Variants in HIPK3 observed in about 807,000 individuals in gnomAD.
The protein encoded by HIPK3 is homeodomain-interacting protein kinase 3.
HIPK3 carries 47 observed loss-of-function variants against 124.2 expected under a neutral mutation model. The observed-to-expected ratio is 0.38, with a 90% confidence interval of 0.30 to 0.48. The LOEUF (loss-of-function observed/expected upper bound fraction) is 0.48, where lower values mean the gene tolerates loss of function less well. HIPK3 is among the 20% of genes least tolerant of loss of function. HIPK3 has a pLI of 0.98. For missense variants in HIPK3, 1,286 were observed against 1,454.3 expected, an observed-to-expected ratio of 0.88 and a Z score of 1.88; for synonymous variants, 482 against 515.2, an observed-to-expected ratio of 0.94 and a Z score of 0.87.
At position 33,302,339 on chromosome 11, in the gene HIPK3, C is replaced by CTTT. The variant is rs374964013; in HGVS notation, c.1097+14830_1097+14831insTTT. Among the ~76,000 whole-genome samples, 25 of 121,176 alleles carry CTTT rather than the reference C, an allele frequency of 2.1e-4. 2 individuals are homozygous for CTTT. Among genetic ancestry groups the CTTT allele is most frequent in the Admixed American group, 6.6e-4 (7 of 10,680 alleles). The allele number at this position is 121,176 out of a possible 152,430, so 79.5% of individuals were successfully genotyped here. A position where few individuals can be genotyped will look rare whatever the true frequency, so the allele number is the denominator to read the frequency against. On this transcript the variant is annotated intron_variant, in intron 2 of 16. Coordinates refer to ENST00000303296, the MANE Select transcript of HIPK3 (RefSeq NM_005734.5). The stretch of plus-strand genomic sequence containing the variant: ...TGAACTTCTCTATGATAATTCCTTA[C>CTTT]TTCTTTTTTTTTTTTTTGAGAAGGA...
Position 33,353,336 on chromosome 11 carries a change from C to G in HIPK3, c.3416C>G (p.Ser1139Cys). Residue 1139 changes from serine to cysteine, a missense_variant, in exon 17 of 17, where the codon TCT becomes TGT. By Grantham distance (112) the Ser-to-Cys change is moderately radical. This residue lies in a region of HIPK3 where 810 missense variants were observed against 864.9 expected (regional missense o/e 0.94). Coordinates refer to ENST00000303296, the MANE Select transcript of HIPK3 (RefSeq NM_005734.5). ...SAAPVAHLLA[S>C]PCTSRPMLQH... ...GCACCAGTGGCCCACCTGTTAGCCT[C>G]TCCGTGTACCTCAAGACCTATGTTA... 1.2e-6 allele frequency: 2 copies of G among 1,614,138 alleles called. No individual in the cohort carries two copies. The highest frequency in any genetic ancestry group is 1.7e-6 in the Non-Finnish European group (2 of 1,179,996).
intron 4 of HIPK3, among the ~76,000 whole-genome samples, chr11:33,337,967 C>T (rs1853208036): frequency 6.6e-6 from 1 of 152,098 alleles, no homozygotes; most frequent in South Asian, 2.1e-4. Flanking sequence ...CCACTGTGCC[C>T]AGCCCCCTTC....
intron 2 of HIPK3, among the ~76,000 whole-genome samples, chr11:33,308,080 A>G (rs1279129702): frequency 6.6e-6 from 1 of 152,056 alleles, no homozygotes; most frequent in Non-Finnish European, 1.5e-5. Context: ...TTTGCCACCC[A>G]TCTGGAATTG....
intron 2 of HIPK3, among the ~76,000 whole-genome samples, chr11:33,327,926 G>T (rs1210255846): frequency 6.6e-6 from 1 of 152,140 alleles, no homozygotes; most frequent in African/African-American, 2.4e-5. Flanking sequence ...TTTAAGTGCT[G>T]AAATGCTTTT....
rs1279635165 is a variant in HIPK3, at chr11:33,353,162, T to C, written c.3242T>C (p.Ile1081Thr). 1.2e-6 allele frequency: 2 copies of C among 1,614,030 alleles called. No individual in the cohort carries two copies. The highest frequency in any genetic ancestry group is 4.5e-5 in the East Asian group (2 of 44,882). The change falls in exon 17 of 17, where the codon ATT becomes ACT. Residue 1081 changes from isoleucine to threonine, a missense_variant. Transcript: ENST00000303296. ...NFGHRRQQAY[I>T]PTSVTSNPFT... Reference sequence around the variant, plus strand: ...GGGCACAGAAGACAGCAAGCTTATATTCCTACTAGTGTTACCAGTAATCCA... The same window carrying C: ...GGGCACAGAAGACAGCAAGCTTATACTCCTACTAGTGTTACCAGTAATCCA...
chr11:33,286,640 T>A lies in HIPK3; in HGVS notation c.226T>A (p.Phe76Ile), dbSNP rs781681280. The change falls in exon 2 of 17, where the codon TTT (phenylalanine) becomes ATT (isoleucine). Residue 76 changes from phenylalanine (F) to isoleucine (I), a missense_variant. Physicochemically the swap from Phe to Ile is conservative, Grantham distance 21. Around this residue, in one of 3 missense-constraint regions of HIPK3, gnomAD observed 225 missense variants for 240.3 expected, o/e 0.94. Transcript: ENST00000303296. ...IPFNRPRGHN[F>I]SLQTSAVVLK... Reference sequence around the variant, plus strand: ...ATTTAATAGACCTCGAGGACACAACTTTTCATTGCAGACAAGTGCTGTTGT... The same window carrying A: ...ATTTAATAGACCTCGAGGACACAACATTTCATTGCAGACAAGTGCTGTTGT... The A allele has an allele frequency of 6.2e-7, 1 of 1,614,164 alleles. No individual in the cohort carries two copies. Among genetic ancestry groups the A allele is most frequent in the Non-Finnish European group, 8.5e-7 (1 of 1,180,040 alleles).
Position 33,339,501 on chromosome 11 carries a change from T to C in HIPK3, c.1580T>C (p.Met527Thr), listed in dbSNP as rs998774722. The C allele has an allele frequency of 1.9e-6, 3 of 1,607,882 alleles. No homozygotes were observed. The Admixed American group carries it at 5.0e-5, about 27-fold the overall frequency. ...AETLNHPFVN[M>T]KHLLDFPHSN... Reference sequence around the variant, plus strand: ...ACCCTGAACCATCCTTTTGTTAATATGAAACATCTTCTAGATTTCCCTCAT... The same window carrying C: ...ACCCTGAACCATCCTTTTGTTAATACGAAACATCTTCTAGATTTCCCTCAT... Residue 527 changes from methionine (M) to threonine (T), a missense_variant, in exon 6 of 17, where the codon ATG becomes ACG. Met to Thr is a moderately conservative substitution (Grantham distance 81, BLOSUM62 -1). Around this residue, in one of 3 missense-constraint regions of HIPK3, gnomAD observed 810 missense variants for 864.9 expected, o/e 0.94. Transcript: ENST00000303296.
intron 1 of HIPK3, among the ~76,000 whole-genome samples, chr11:33,276,292 T>G (rs1010475769): frequency 6.6e-6 from 1 of 152,226 alleles, no homozygotes; most frequent in Non-Finnish European, 1.5e-5. Context: ...ATCTGTGATC[T>G]GAAAACTTCC....
chr11:33,337,084 A>G lies in HIPK3; in HGVS notation c.1231A>G (p.Ile411Val). The change falls in exon 4 of 17, where the codon ATT becomes GTT. Residue 411 changes from isoleucine (I) to valine (V), a missense_variant. Transcript: ENST00000303296. ...GTAAATTATTTTTCAGATTCGATACATTTCTCAGACTCAAGGTTTGCCAGG... is the reference window on the plus strand; with the variant it reads ...GTAAATTATTTTTCAGATTCGATACGTTTCTCAGACTCAAGGTTTGCCAGG... ...GALEYDQIRY[I>V]SQTQGLPGEQ... 6.3e-7 allele frequency: 1 copy of G among 1,596,274 alleles called. No individual in the cohort carries two copies.
chr11:33,335,363 C>G (rs1367067018), intron 3 of HIPK3, among the ~76,000 whole-genome samples: 2 of 152,126 alleles, frequency 1.3e-5, no homozygotes, highest in Non-Finnish European at 2.9e-5. Flanking sequence ...TAAAGACTGT[C>G]AGGAAGTAGA....
chr11:33,294,492 T>C (rs1776854075), intron 2 of HIPK3, among the ~76,000 whole-genome samples: 1 of 152,208 alleles, frequency 6.6e-6, no homozygotes, highest in South Asian at 2.1e-4. Context: ...AATGCTTCAG[T>C]GTACATTTCC....
chr11:33,345,771 C>G (rs998708061), intron 8 of HIPK3, among the ~76,000 whole-genome samples: 1 of 151,972 alleles, frequency 6.6e-6, no homozygotes, highest in Non-Finnish European at 1.5e-5. Flanking sequence ...ATACCTGGCT[C>G]TTTAGGTGGA....
chr11:33,285,975 G>A lies in HIPK3; in HGVS notation c.-2-438G>A, dbSNP rs376592917. Among the ~76,000 whole-genome samples the A allele has an allele frequency of 1.3e-4, 20 of 152,130 alleles. No homozygotes were observed. The East Asian group carries it at 2.9e-3, about 22-fold the overall frequency. On this transcript the variant is annotated intron_variant, in intron 1 of 16. Coordinates refer to ENST00000303296, the MANE Select transcript of HIPK3 (RefSeq NM_005734.5). Reference sequence around the variant, plus strand: ...TTAGTAGAGTTGGGATTTCTTCACCGTGTTGGCCAGGCTGGTCTTGGACTC... The same window carrying A: ...TTAGTAGAGTTGGGATTTCTTCACCATGTTGGCCAGGCTGGTCTTGGACTC...
intron 2 of HIPK3, among the ~76,000 whole-genome samples, chr11:33,313,074 A>G (rs1590390487): frequency 6.6e-6 from 1 of 152,206 alleles, no homozygotes; most frequent in Non-Finnish European, 1.5e-5. Flanking sequence ...ATGTTTTCTA[A>G]TAAGCGCTTT....
intron 1 of HIPK3, among the ~76,000 whole-genome samples, chr11:33,264,240 A>G (rs1299249692): frequency 6.6e-6 from 1 of 152,162 alleles, no homozygotes; most frequent in Non-Finnish European, 1.5e-5. Context: ...GTATTTGCTC[A>G]TTTGAGCTGT....
At position 33,353,835 on chromosome 11, in the gene HIPK3, T is replaced by G. The variant is rs1159813673; in HGVS notation, c.*267T>G. On this transcript the variant is annotated 3_prime_UTR_variant, in exon 17 of 17. Transcript: ENST00000303296. The stretch of plus-strand genomic sequence containing the variant: ...AGTCCAGTTTTGCTCCTGCTATTTT[T>G]TATAAATTGCCTTCTAACTAGTGCA... 2 of 400,948 alleles carry G rather than the reference T, an allele frequency of 5.0e-6. No individual in the cohort carries two copies. Among genetic ancestry groups the G allele is most frequent in the African/African-American group, 4.1e-5 (2 of 49,036 alleles). 24.8% of individuals were successfully genotyped at this position (400,948 alleles called of 1,614,324 possible). A position where few individuals can be genotyped will look rare whatever the true frequency, so the allele number is the denominator to read the frequency against.
At chr11:33,289,173 T>C (rs1851632356) in intron 2 of HIPK3, among the ~76,000 whole-genome samples, 1 of 152,162 alleles carries the variant, frequency 6.6e-6, no homozygotes, top group Non-Finnish European at 1.5e-5. Flanking sequence ...GAGCTGGGCT[T>C]GGTGGCTGAC....
intron 2 of HIPK3, among the ~76,000 whole-genome samples, chr11:33,307,400 G>GTTT (rs397849185): frequency 8.5e-5 from 11 of 128,842 alleles, no homozygotes; most frequent in African/African-American, 1.2e-4. Flanking sequence ...TTTATGAAGT[G>GTTT]TTTTTTTTTT....
chr11:33,347,336 G>A lies in HIPK3; in HGVS notation c.1941G>A (p.Arg647=). The A allele has an allele frequency of 6.2e-7, 1 of 1,613,534 alleles. No homozygotes were observed. The highest frequency in any genetic ancestry group is 8.5e-7 in the Non-Finnish European group (1 of 1,179,552). ...THGKPTSYSI[R]VDNTVPLVTQ... is the part of the protein sequence containing the mutation. ...GTAAACCCACCAGTTATTCAATAAG[G>A]GTAGATAATACAGTTCCACTTGTAA... The change falls in exon 9 of 17, where the codon AGG becomes AGA. Residue 647 remains arginine, a synonymous_variant. Coordinates refer to ENST00000303296, the MANE Select transcript of HIPK3 (RefSeq NM_005734.5).
Sources: gnomAD v4.1 joint callset for allele counts (sites outside exome capture counted in the v4.1 genomes callset) on GRCh38, gnomAD v4.1.1 for gene constraint, gnomAD v4.1.1 regional missense constraint, MANE v1.5 for transcripts, NCBI Gene and HGNC (gene_info 2026-07-23, HGNC 2026-07-21) for gene names.